FRMD4A: variants seen among roughly 807,000 people sequenced by gnomAD.
FRMD4A encodes the protein FERM domain-containing protein 4A.
Under a neutral mutation model 129.1 loss-of-function variants are expected in FRMD4A, and 29 were observed. The ratio of observed to expected loss-of-function variants is 0.22; its 90% CI spans 0.17 to 0.31. The LOEUF (loss-of-function observed/expected upper bound fraction) is 0.31, where lower values mean the gene tolerates loss of function less well. Ranked by LOEUF, FRMD4A falls within the 10% of genes least tolerant of loss-of-function variation. The pLI is 1.00. For missense variants in FRMD4A, 1,272 were observed against 1,375.8 expected (o/e 0.92, Z 1.19); for synonymous variants, 634 against 571.6 (o/e 1.11, Z -1.56).
At chr10:13,825,319 C>T (rs967341738) in intron 3 of FRMD4A, among the ~76,000 whole-genome samples, 3 of 152,028 alleles carry the variant, frequency 2.0e-5, no homozygotes, top group African/African-American at 7.3e-5. Context: ...AGGTGGGGAG[C>T]GTCAACACTA....
chr10:13,871,309 T>A (rs1468814871), intron 2 of FRMD4A: 1 of 152,838 alleles, frequency 6.5e-6, no homozygotes, highest in East Asian at 1.9e-4. Context: ...CACGGTGCAC[T>A]GTTGCCACCA....
chr10:13,971,882 A>G (rs2095520788), intron 2 of FRMD4A: 2 of 1,287,910 alleles, frequency 1.6e-6, no homozygotes, highest in Non-Finnish European at 2.0e-6. Flanking sequence ...CAAAGTGCCA[A>G]TGTCAGTAAG....
At chr10:13,703,588 G>C (rs947605341) in intron 13 of FRMD4A, among the ~76,000 whole-genome samples, 1 of 152,184 alleles carries the variant, frequency 6.6e-6, no homozygotes, top group Admixed American at 6.5e-5. Context: ...CCTGGCTTGG[G>C]GGAGGGGCTG....
chr10:13,757,402 A>G (rs1432506984), intron 8 of FRMD4A, among the ~76,000 whole-genome samples: 2 of 152,256 alleles, frequency 1.3e-5, no homozygotes, highest in Non-Finnish European at 2.9e-5. Context: ...GAAGTATCGT[A>G]CAAATTTGTC....
rs1335699163 is a variant in FRMD4A, at chr10:13,656,646, C to G, written c.2943G>C (p.Lys981Asn). ...GCCGCCCCCTCTCACCTGACGTGGC[C>G]TTGCACATCTGGGGCATCCTGGTGA... ...SRVTRMPQMC[K>N]ATSAALPQSQ... The change falls in exon 22 of 25, where the codon AAG (lysine) becomes AAC (asparagine). Residue 981 changes from lysine (K) to asparagine (N), a missense_variant. Physicochemically the swap from Lys to Asn is moderately conservative, Grantham distance 94. Coordinates refer to ENST00000357447, the MANE Select transcript of FRMD4A (RefSeq NM_018027.5). 1.4e-6 allele frequency: 2 copies of G among 1,456,692 alleles called. No homozygotes were observed. The highest frequency in any genetic ancestry group is 2.9e-5 in the South Asian group (2 of 68,576). 90.2% of individuals were successfully genotyped at this position (1,456,692 alleles called of 1,614,324 possible). A position where few individuals can be genotyped will look rare whatever the true frequency, so the allele number is the denominator to read the frequency against.
intron 2 of FRMD4A, among the ~76,000 whole-genome samples, chr10:13,903,987 C>T (rs1005852178): frequency 1.3e-5 from 2 of 152,186 alleles, no homozygotes; most frequent in Non-Finnish European, 2.9e-5. Flanking sequence ...GCTTCCTAAC[C>T]GATTGCCTCC....
chr10:14,002,265 G>A (rs996472615), intron 2 of FRMD4A, among the ~76,000 whole-genome samples: 6 of 152,158 alleles, frequency 3.9e-5, no homozygotes, highest in Admixed American at 2.0e-4. Flanking sequence ...CATCAGATTT[G>A]TACTACTTTG....
At chr10:14,000,668 A>AAAG (rs1555009702) in intron 2 of FRMD4A, among the ~76,000 whole-genome samples, 3 of 74,514 alleles carry the variant, frequency 4.0e-5, no homozygotes, top group Admixed American at 1.4e-4. Flanking sequence ...AAAAAAAAAA[A>AAAG]GAGAAGAAAG....
intron 2 of FRMD4A, among the ~76,000 whole-genome samples, chr10:13,897,915 T>C (rs946045711): frequency 7.8e-6 from 1 of 128,554 alleles, no homozygotes; most frequent in Non-Finnish European, 1.6e-5. Flanking sequence ...CCAGCCTGGG[T>C]GACAGACAGA....
intron 4 of FRMD4A, among the ~76,000 whole-genome samples, chr10:13,797,335 AAAACGTT>A (rs1353274526): frequency 6.6e-6 from 1 of 152,210 alleles, no homozygotes; most frequent in East Asian, 1.9e-4. Context: ...ACAGTGTCTG[AAAACGTT>A]AAACTTACCG....
At chr10:14,058,168 A>G (rs1834631486) in intron 2 of FRMD4A, among the ~76,000 whole-genome samples, 1 of 152,168 alleles carries the variant, frequency 6.6e-6, no homozygotes, top group African/African-American at 2.4e-5. Context: ...ATAGTCCCCA[A>G]ATGCTAGCTT....
intron 2 of FRMD4A, among the ~76,000 whole-genome samples, chr10:13,939,437 A>C (rs1349281785): frequency 6.6e-6 from 1 of 152,210 alleles, no homozygotes; most frequent in East Asian, 1.9e-4. Context: ...AATGCTTGAC[A>C]TGCTTCCCTG....
chr10:14,072,492 T>C (rs1245716362), intron 2 of FRMD4A, among the ~76,000 whole-genome samples: 1 of 152,242 alleles, frequency 6.6e-6, no homozygotes, highest in African/African-American at 2.4e-5. Flanking sequence ...TGGAGTCAAC[T>C]TGTCTTCTAA....
intron 2 of FRMD4A, among the ~76,000 whole-genome samples, chr10:14,214,835 T>C (rs1045379835): frequency 6.6e-6 from 1 of 152,210 alleles, no homozygotes; most frequent in African/African-American, 2.4e-5. Context: ...ACCTGCTTTG[T>C]ATTGTGCCTA....
intron 2 of FRMD4A, among the ~76,000 whole-genome samples, chr10:14,311,698 C>T (rs1284777191): frequency 6.6e-6 from 1 of 151,910 alleles, no homozygotes. Context: ...CAGGGCTGTT[C>T]CATCTTCTCC....
At chr10:13,906,613 C>T (rs2094884742) in intron 2 of FRMD4A, among the ~76,000 whole-genome samples, 1 of 152,188 alleles carries the variant, frequency 6.6e-6, no homozygotes, top group Non-Finnish European at 1.5e-5. Context: ...ATACCGTCTT[C>T]TCCACTATGT....
chr10:14,014,153 C>T (rs893589735), intron 2 of FRMD4A, among the ~76,000 whole-genome samples: 9 of 152,038 alleles, frequency 5.9e-5, no homozygotes. Flanking sequence ...CCGAACCTGC[C>T]CCCAGCTGGG....
intron 2 of FRMD4A, among the ~76,000 whole-genome samples, chr10:14,154,796 A>G (rs973133035): frequency 4.6e-5 from 7 of 152,164 alleles, no homozygotes; most frequent in Non-Finnish European, 8.8e-5. Flanking sequence ...TTCCTACCCA[A>G]CCTTCTGCAA....
intron 2 of FRMD4A, among the ~76,000 whole-genome samples, chr10:13,959,602 G>A (rs2095433865): frequency 6.7e-6 from 1 of 150,202 alleles, no homozygotes; most frequent in Non-Finnish European, 1.5e-5. Flanking sequence ...TGGCCAGGTT[G>A]TGTCATGACA....
Sources: gnomAD v4.1 joint callset for allele counts (sites outside exome capture counted in the v4.1 genomes callset) on GRCh38, gnomAD v4.1.1 for gene constraint, MANE v1.5 for transcripts, NCBI Gene and HGNC (gene_info 2026-07-23, HGNC 2026-07-21) for gene names.